Variants in TMEM38B observed in about 807,000 individuals in gnomAD.
TMEM38B encodes transmembrane protein 38B, also known as trimeric intracellular cation channel type B.
A neutral mutation model predicts 28.7 loss-of-function variants in TMEM38B; 24 were observed. That is an observed-to-expected ratio of 0.84 (90% confidence interval 0.61 to 1.18). The LOEUF is 1.18. Among genes scored for constraint, TMEM38B ranks in the 50% most tolerant of loss-of-function variants. The pLI is 0.00. For missense variants in TMEM38B, 380 were observed against 350.9 expected (o/e 1.08, Z -0.66); for synonymous variants, 131 against 127.7 (o/e 1.03, Z -0.17).
At chr9:105,715,582 A>C (rs1003082320) in intron 2 of TMEM38B, among the ~76,000 whole-genome samples, 1 of 152,116 alleles carries the variant, frequency 6.6e-6, no homozygotes, top group Admixed American at 6.5e-5. Context: ...TATTTCTAAA[A>C]AAATTAACCT....
At chr9:105,739,706 G>A (rs1837124304) in intron 4 of TMEM38B, among the ~76,000 whole-genome samples, 1 of 151,824 alleles carries the variant, frequency 6.6e-6, no homozygotes, top group African/African-American at 2.4e-5. Context: ...TGTATTTTTA[G>A]TAGAGAAAGC....
At chr9:105,704,407 A>C (rs1835574902) in intron 1 of TMEM38B, among the ~76,000 whole-genome samples, 1 of 152,080 alleles carries the variant, frequency 6.6e-6, no homozygotes, top group African/African-American at 2.4e-5. Context: ...AAAATAAATA[A>C]ATAAGTAATT....
chr9:105,759,943 A>G, intron 5 of TMEM38B: 1 of 1,583,176 alleles, frequency 6.3e-7, no homozygotes, highest in Non-Finnish European at 8.7e-7. Context: ...ACAAAGCAGC[A>G]CAAGTGTGCA....
At chr9:105,742,576 C>T (rs1242386104) in intron 4 of TMEM38B, among the ~76,000 whole-genome samples, 2 of 152,198 alleles carry the variant, frequency 1.3e-5, no homozygotes, top group African/African-American at 4.8e-5. Context: ...GCATTCTAAT[C>T]TTTTAAACAA....
At chr9:105,720,300 A>G (rs1836271262) in intron 2 of TMEM38B, among the ~76,000 whole-genome samples, 1 of 151,990 alleles carries the variant, frequency 6.6e-6, no homozygotes, top group African/African-American at 2.4e-5. Context: ...GATTTCTGTC[A>G]TCTAAGAACT....
At chr9:105,707,463 A>G (rs770333527) in intron 2 of TMEM38B, among the ~76,000 whole-genome samples, 1 of 152,188 alleles carries the variant, frequency 6.6e-6, no homozygotes, top group African/African-American at 2.4e-5. Flanking sequence ...GTTAAGAACC[A>G]TATCATTAAA....
chr9:105,773,888 TTCTACTATGACA>T lies in TMEM38B; in HGVS notation c.686_697del (p.Ser229_Thr232del), dbSNP rs761310992. 4 of 1,613,678 alleles carry T rather than the reference TTCTACTATGACA, an allele frequency of 2.5e-6. No individual in the cohort carries two copies. On this transcript the variant is annotated inframe_deletion, in exon 6 of 6. Transcript: ENST00000374692. ...AGATAACCATGATGACTACACAGAC[TTCTACTATGACA>T]TTTGCTCCTTTTGAGGATACATTGA...
intron 5 of TMEM38B, among the ~76,000 whole-genome samples, chr9:105,764,326 GA>G (rs1347377910): frequency 7.2e-5 from 11 of 152,118 alleles, no homozygotes; most frequent in African/African-American, 2.7e-4. Context: ...TGTATATCTA[GA>G]AAACCCCATT....
intron 2 of TMEM38B, among the ~76,000 whole-genome samples, chr9:105,706,965 A>T (rs140815847): frequency 6.6e-6 from 1 of 152,194 alleles, no homozygotes; most frequent in African/African-American, 2.4e-5. Context: ...TTTAGTAGAG[A>T]CGGGGTTTCA....
intron 4 of TMEM38B, among the ~76,000 whole-genome samples, chr9:105,732,619 A>T (rs1208071955): frequency 6.6e-6 from 1 of 151,776 alleles, no homozygotes; most frequent in Non-Finnish European, 1.5e-5. Context: ...AGATGGTTTT[A>T]TATGTGTGGT....
At chr9:105,760,444 G>GAT (rs756327401) in intron 5 of TMEM38B, 16 of 741,162 alleles carry the variant, frequency 2.2e-5, no homozygotes, top group Non-Finnish European at 3.9e-5. Flanking sequence ...AAATCCTGGA[G>GAT]ATGGACTATT....
chr9:105,730,087 T>A (rs1046800939), intron 4 of TMEM38B, among the ~76,000 whole-genome samples: 1 of 152,230 alleles, frequency 6.6e-6, no homozygotes, highest in Non-Finnish European at 1.5e-5. Context: ...CTTTCCTTTT[T>A]GCCCTGGCCA....
intron 4 of TMEM38B, among the ~76,000 whole-genome samples, chr9:105,743,833 T>A (rs1468129270): frequency 2.6e-5 from 4 of 152,200 alleles, no homozygotes; most frequent in Non-Finnish European, 5.9e-5. Context: ...GTAAGGTTTT[T>A]AAAGACTAAT....
intron 4 of TMEM38B, among the ~76,000 whole-genome samples, chr9:105,735,150 A>G (rs1836924640): frequency 6.6e-6 from 1 of 152,148 alleles, no homozygotes; most frequent in South Asian, 2.1e-4. Flanking sequence ...GCTGATAACA[A>G]CTTAACTTTA....
At chr9:105,772,188 T>A (rs532154947) in intron 5 of TMEM38B, among the ~76,000 whole-genome samples, 1 of 152,340 alleles carries the variant, frequency 6.6e-6, no homozygotes, top group East Asian at 1.9e-4. Context: ...CTTTGGCCTC[T>A]CAGCTATTGC....
At chr9:105,748,612 T>A (rs1287322203) in intron 5 of TMEM38B, among the ~76,000 whole-genome samples, 2 of 152,226 alleles carry the variant, frequency 1.3e-5, no homozygotes, top group South Asian at 4.1e-4. Flanking sequence ...TATTGCCTGG[T>A]TGGAAGCTTT....
At chr9:105,708,896 C>T (rs1420277694) in intron 2 of TMEM38B, among the ~76,000 whole-genome samples, 2 of 151,556 alleles carry the variant, frequency 1.3e-5, no homozygotes, top group Non-Finnish European at 1.5e-5. Context: ...GAATAATAGC[C>T]CATCAGAGAG....
intron 4 of TMEM38B, among the ~76,000 whole-genome samples, chr9:105,730,724 T>G (rs1836710141): frequency 6.6e-6 from 1 of 152,208 alleles, no homozygotes; most frequent in South Asian, 2.1e-4. Context: ...AAGCTATTAA[T>G]TATTGCCTCA....
intron 2 of TMEM38B, among the ~76,000 whole-genome samples, chr9:105,716,799 A>G (rs1391260099): frequency 6.6e-6 from 1 of 152,220 alleles, no homozygotes. Context: ...TCTCTTCCTT[A>G]ACATTTTCTT....
Sources: gnomAD v4.1 joint callset for allele counts (sites outside exome capture counted in the v4.1 genomes callset) on GRCh38, gnomAD v4.1.1 for gene constraint, MANE v1.5 for transcripts, NCBI Gene and HGNC (gene_info 2026-07-23, HGNC 2026-07-21) for gene names.